The following TTC28 variants were observed in gnomAD, a reference collection of about 807,000 sequenced individuals.
The protein encoded by TTC28 is tetratricopeptide repeat protein 28.
In TTC28, 61 loss-of-function variants were observed where a neutral mutation model predicts 198.0. That is an observed-to-expected ratio of 0.31 (90% confidence interval 0.25 to 0.38). The LOEUF (loss-of-function observed/expected upper bound fraction) is 0.38. Ranked by LOEUF, TTC28 falls within the 10% of genes least tolerant of loss-of-function variation. The pLI is 1.00. For synonymous variants in TTC28, 1,171 were observed against 1,297.8 expected (o/e 0.90, Z 2.10); for missense variants, 2,678 against 3,164.0 (o/e 0.85, Z 3.69).
At chr22:27,988,943 G>A (rs1261892527) in intron 21 of TTC28, among the ~76,000 whole-genome samples, 2 of 152,192 alleles carry the variant, frequency 1.3e-5, no homozygotes, top group Non-Finnish European at 2.9e-5. Flanking sequence ...TAGAGTGCAA[G>A]CTCTAGGATG....
chr22:28,417,192 C>G (rs2047179288), intron 2 of TTC28, among the ~76,000 whole-genome samples: 1 of 150,502 alleles, frequency 6.6e-6, no homozygotes. Flanking sequence ...GGTTTGAGAC[C>G]AGCCTAGGCA....
chr22:28,675,627 G>A (rs934619279), intron 1 of TTC28, among the ~76,000 whole-genome samples: 1 of 151,338 alleles, frequency 6.6e-6, no homozygotes, highest in Admixed American at 6.6e-5. Flanking sequence ...AGTCCTACCT[G>A]CTCAGGAGGC....
At chr22:28,191,661 G>A (rs1219452003) in intron 5 of TTC28, among the ~76,000 whole-genome samples, 1 of 152,250 alleles carries the variant, frequency 6.6e-6, no homozygotes, top group Non-Finnish European at 1.5e-5. Context: ...CTGGCTCAGA[G>A]GGTCCTATGC....
At chr22:28,411,217 G>T (rs1320065380) in intron 2 of TTC28, among the ~76,000 whole-genome samples, 2 of 152,102 alleles carry the variant, frequency 1.3e-5, no homozygotes, top group East Asian at 3.9e-4. Context: ...TCTTTGTAAT[G>T]TTTTGTCGCC....
intron 6 of TTC28, among the ~76,000 whole-genome samples, chr22:28,152,629 T>C (rs1468457803): frequency 6.6e-6 from 1 of 152,260 alleles, no homozygotes; most frequent in Non-Finnish European, 1.5e-5. Context: ...ATATCATGGA[T>C]ACACTTCTAT....
At chr22:28,416,691 T>TAG (rs2047172363) in intron 2 of TTC28, among the ~76,000 whole-genome samples, 1 of 152,176 alleles carries the variant, frequency 6.6e-6, no homozygotes, top group South Asian at 2.1e-4. Context: ...AGATTACCCT[T>TAG]ACCAATCTTC....
intron 6 of TTC28, among the ~76,000 whole-genome samples, chr22:28,136,955 A>G (rs1943213644): frequency 6.6e-6 from 1 of 152,174 alleles, no homozygotes; most frequent in African/African-American, 2.4e-5. Context: ...TGGACTGCTG[A>G]GGTTCCACTG....
At chr22:28,073,702 C>A (rs1035745167) in intron 12 of TTC28, among the ~76,000 whole-genome samples, 1 of 152,166 alleles carries the variant, frequency 6.6e-6, no homozygotes, top group Non-Finnish European at 1.5e-5. Context: ...GGGCTTGATA[C>A]GAGATTTGCT....
At chr22:28,428,789 C>T (rs1157562362) in intron 2 of TTC28, among the ~76,000 whole-genome samples, 1 of 151,950 alleles carries the variant, frequency 6.6e-6, no homozygotes, top group Non-Finnish European at 1.5e-5. Flanking sequence ...CAGGCACCCG[C>T]CACCACGCCC....
intron 6 of TTC28, among the ~76,000 whole-genome samples, chr22:28,141,473 G>A (rs747697805): frequency 6.6e-6 from 1 of 151,948 alleles, no homozygotes; most frequent in Admixed American, 6.6e-5. Context: ...TTTTCATTAC[G>A]TCTCACTGAA....
chr22:28,461,335 T>C (rs189914635), intron 2 of TTC28, among the ~76,000 whole-genome samples: 153 of 152,282 alleles, frequency 1.0e-3, no homozygotes, highest in Admixed American at 2.2e-3. Context: ...TCAGTCTAGC[T>C]CTCTCTTTCC....
In TTC28 at chr22:28,281,414, A is replaced by G. The variant is rs149890774; in HGVS notation, c.933+14784T>C. Among the ~76,000 whole-genome samples, 112 of 152,038 alleles carry G rather than the reference A, an allele frequency of 7.4e-4. 1 individual carries two copies. The East Asian group carries it at 0.012, about 16-fold the overall frequency. On this transcript the variant is annotated intron_variant, in intron 5 of 22. Transcript: ENST00000397906. ...ATCAATGACTAATTTGATTTTAAAT[A>G]TTATATTTTTCCATTTTATTTTCTT...
intron 5 of TTC28, among the ~76,000 whole-genome samples, chr22:28,210,545 G>A (rs996926213): frequency 6.6e-6 from 1 of 152,140 alleles, no homozygotes; most frequent in Non-Finnish European, 1.5e-5. Flanking sequence ...ATCAGTGATG[G>A]AAGAGCAAAT....
intron 5 of TTC28, among the ~76,000 whole-genome samples, chr22:28,215,642 G>T (rs1045286336): frequency 6.6e-6 from 1 of 152,126 alleles, no homozygotes; most frequent in Non-Finnish European, 1.5e-5. Context: ...GTGTGTATGT[G>T]TAAGAGAGAG....
At position 27,992,682 on chromosome 22, in the gene TTC28, G is replaced by T. The variant is rs183674548; in HGVS notation, c.5477-19C>A. On this transcript the variant is annotated intron_variant, in intron 18 of 22. Transcript: ENST00000397906. ...GGCAGACCTAAACCAAGAAAAAAGG[G>T]TAGAAGTTATTCAGAAGGGCCTCTG... The T allele has an allele frequency of 7.2e-4, 1,109 of 1,550,658 alleles. 5 individuals carry two copies. The highest frequency in any genetic ancestry group is 8.5e-4 in the Non-Finnish European group (970 of 1,146,656).
chr22:28,385,745 A>T (rs968816193), intron 2 of TTC28, among the ~76,000 whole-genome samples: 7 of 152,148 alleles, frequency 4.6e-5, no homozygotes, highest in African/African-American at 1.7e-4. Flanking sequence ...TCTGATATTT[A>T]AAATACTACA....
intron 12 of TTC28, among the ~76,000 whole-genome samples, chr22:28,042,750 C>A (rs1939701614): frequency 6.6e-6 from 1 of 151,816 alleles, no homozygotes; most frequent in Admixed American, 6.6e-5. Flanking sequence ...AGAGCCTGGG[C>A]TTCCTTTTAG....
chr22:28,112,774 AC>A (rs1243418778), intron 6 of TTC28, among the ~76,000 whole-genome samples: 1 of 152,096 alleles, frequency 6.6e-6, no homozygotes, highest in East Asian at 1.9e-4. Context: ...TCAGATGAAG[AC>A]TTACAGAGGG....
intron 6 of TTC28, among the ~76,000 whole-genome samples, chr22:28,141,144 A>T (rs1239592949): frequency 6.6e-6 from 1 of 152,198 alleles, no homozygotes; most frequent in Non-Finnish European, 1.5e-5. Flanking sequence ...TCTCTGCTTC[A>T]TTCAGGTCTC....
Sources: allele counts gnomAD v4.1 joint callset (sites outside exome capture counted in the v4.1 genomes callset), GRCh38; gene constraint gnomAD v4.1.1; transcripts MANE v1.5; gene names NCBI Gene and HGNC (gene_info 2026-07-23, HGNC 2026-07-21).